NCOA3: variants seen among roughly 807,000 people sequenced by gnomAD.
The protein encoded by NCOA3 is nuclear receptor coactivator 3, also known as CBP-interacting protein.
NCOA3 carries 51 observed loss-of-function variants against 158.8 expected under a neutral mutation model. The ratio of observed to expected loss-of-function variants is 0.32; its 90% CI spans 0.26 to 0.41. The LOEUF is 0.41. NCOA3 is among the 10% of genes least tolerant of loss of function. The pLI is 1.00. For missense variants in NCOA3, 1,510 were observed against 1,746.6 expected (o/e 0.86, Z 2.41); for synonymous variants, 537 against 592.4 (o/e 0.91, Z 1.36).
chr20:47,528,783 T>A (rs573655597), intron 1 of NCOA3, among the ~76,000 whole-genome samples: 1 of 152,344 alleles, frequency 6.6e-6, no homozygotes, highest in South Asian at 2.1e-4. Context: ...TTTTTTCTTT[T>A]TCTTTTTGAA....
At chr20:47,638,718 G>A (rs571331697) in intron 13 of NCOA3, among the ~76,000 whole-genome samples, 1 of 152,022 alleles carries the variant, frequency 6.6e-6, no homozygotes, top group East Asian at 1.9e-4. Flanking sequence ...GTGAAGCGCA[G>A]AGTATCAGTG....
At chr20:47,570,308 G>C (rs191859872) in intron 1 of NCOA3, among the ~76,000 whole-genome samples, 10 of 152,274 alleles carry the variant, frequency 6.6e-5, no homozygotes, top group Admixed American at 6.5e-4. Context: ...AGGTGTGGTG[G>C]CACATGCCTG....
At chr20:47,590,632 G>A (rs1020204103) in intron 2 of NCOA3, among the ~76,000 whole-genome samples, 8 of 152,076 alleles carry the variant, frequency 5.3e-5, no homozygotes, top group African/African-American at 1.9e-4. Context: ...GTAAGACCCC[G>A]TCTCTACAAA....
chr20:47,580,470 C>T (rs2085434195), intron 1 of NCOA3, among the ~76,000 whole-genome samples: 1 of 151,894 alleles, frequency 6.6e-6, no homozygotes, highest in Admixed American at 6.6e-5. Context: ...GCAGGAGAAT[C>T]GCTTTAACCC....
intron 19 of NCOA3, 57 bp downstream of exon 19, chr20:47,649,166 C>T: frequency 2.8e-6 from 3 of 1,060,724 alleles, no homozygotes; most frequent in Non-Finnish European, 4.1e-6. Flanking sequence ...AGGGCTTGGC[C>T]TGTGGTTGGC....
At chr20:47,578,541 C>T (rs1222020350) in intron 1 of NCOA3, among the ~76,000 whole-genome samples, 3 of 152,176 alleles carry the variant, frequency 2.0e-5, no homozygotes, top group Admixed American at 2.0e-4. Flanking sequence ...TTGGTCTTCT[C>T]CTTTCATTAT....
rs537886338 is a variant in NCOA3 at position 47,603,489 on chromosome 20, T to G, written c.-19-18740T>G. Among the ~76,000 whole-genome samples, 6 of 152,348 alleles carry G rather than the reference T, an allele frequency of 3.9e-5. No homozygotes were observed. In the East Asian group the frequency reaches 1.2e-3, roughly 29 times the overall value. On this transcript the variant is annotated intron_variant, in intron 2 of 22. Transcript: ENST00000371998. ...TAGGCATGTGTTACAGTATGCTCTT[T>G]TTGCTTTGCCGACCATGGACGGCTT...
rs576532152 is a variant in NCOA3 at position 47,648,775 on chromosome 20, A to G, written c.3547-230A>G. Among the ~76,000 whole-genome samples, 19 of 152,300 alleles carry G rather than the reference A, an allele frequency of 1.2e-4. 1 individual carries two copies. In the South Asian group the frequency reaches 3.9e-3, roughly 32 times the overall value. ...GATATTCTTTAAGCTGCAAAATTGC[A>G]CTTTACTTTTTTTTCCCCAGTGCCA... On this transcript the variant is annotated intron_variant, in intron 18 of 22. Coordinates refer to ENST00000371998, the MANE Select transcript of NCOA3 (RefSeq NM_181659.3).
chr20:47,611,521 C>T (rs943646258), intron 2 of NCOA3, among the ~76,000 whole-genome samples: 9 of 152,074 alleles, frequency 5.9e-5, no homozygotes, highest in African/African-American at 1.2e-4. Flanking sequence ...CCTCCTCGGC[C>T]GGGCTCATGC....
At chr20:47,574,732 C>T (rs771814309) in intron 1 of NCOA3, among the ~76,000 whole-genome samples, 4 of 152,172 alleles carry the variant, frequency 2.6e-5, no homozygotes, top group South Asian at 4.1e-4. Context: ...CCTTTGTATA[C>T]GCTTTGCATA....
intron 2 of NCOA3, among the ~76,000 whole-genome samples, chr20:47,604,592 T>C (rs1328163040): frequency 6.6e-6 from 1 of 152,224 alleles, no homozygotes; most frequent in African/African-American, 2.4e-5. Context: ...TTATCATTCG[T>C]AATGGCTTTC....
At chr20:47,631,262 C>T (rs947769263) in intron 8 of NCOA3, 12 of 152,226 alleles carry the variant, frequency 7.9e-5, no homozygotes, top group African/African-American at 2.9e-4. Flanking sequence ...TTCAAAAACA[C>T]AGTTCTTGAG....
At chr20:47,613,825 C>T (rs952103667) in intron 2 of NCOA3, among the ~76,000 whole-genome samples, 5 of 151,614 alleles carry the variant, frequency 3.3e-5, no homozygotes. Context: ...GCAGGAGAAT[C>T]GCTTGAACCT....
chr20:47,534,423 T>G (rs1196180725), intron 1 of NCOA3, among the ~76,000 whole-genome samples: 1 of 152,192 alleles, frequency 6.6e-6, no homozygotes, highest in East Asian at 1.9e-4. Flanking sequence ...CTAGCATTAG[T>G]CTCCCTAACT....
chr20:47,645,993 T>A (rs1046022792), intron 17 of NCOA3, among the ~76,000 whole-genome samples: 2 of 152,032 alleles, frequency 1.3e-5, no homozygotes, highest in Non-Finnish European at 2.9e-5. Context: ...AATTGCTGGG[T>A]TTTGGTTCCT....
At chr20:47,640,621 C>T (rs2086588458) in intron 16 of NCOA3, among the ~76,000 whole-genome samples, 1 of 151,738 alleles carries the variant, frequency 6.6e-6, no homozygotes, top group Non-Finnish European at 1.5e-5. Context: ...TGGCTCACGC[C>T]TGTAATCCCA....
intron 1 of NCOA3, among the ~76,000 whole-genome samples, chr20:47,525,705 G>A (rs1206880): frequency 7.7e-6 from 1 of 130,220 alleles, no homozygotes; most frequent in African/African-American, 3.3e-5. Flanking sequence ...GGCTGGCCGG[G>A]CGGGGGGCTG....
chr20:47,528,191 ATATAC>A (rs1185993020), intron 1 of NCOA3, among the ~76,000 whole-genome samples: 1 of 152,204 alleles, frequency 6.6e-6, no homozygotes, highest in Non-Finnish European at 1.5e-5. Flanking sequence ...TTATGCTAAC[ATATAC>A]TATAAGCTGC....
intron 2 of NCOA3, among the ~76,000 whole-genome samples, chr20:47,607,746 A>T (rs769716848): frequency 5.9e-5 from 9 of 152,164 alleles, no homozygotes; most frequent in Non-Finnish European, 1.0e-4. Context: ...GTTTTAGTGT[A>T]ATATCAAGAA....
Sources: allele counts gnomAD v4.1 joint callset (sites outside exome capture counted in the v4.1 genomes callset), GRCh38; gene constraint gnomAD v4.1.1; transcripts MANE v1.5; gene names NCBI Gene and HGNC (gene_info 2026-07-23, HGNC 2026-07-21).